Variants in KIAA1217 observed in about 807,000 individuals in gnomAD.
The protein encoded by KIAA1217 is KIAA1217.
In KIAA1217, 88 loss-of-function variants were observed where a neutral mutation model predicts 163.9. That is an observed-to-expected ratio of 0.54 (90% CI 0.45 to 0.64). The LOEUF (loss-of-function observed/expected upper bound fraction) is 0.64. KIAA1217 is among the 30% of genes least tolerant of loss of function. The pLI, the probability that KIAA1217 is intolerant of heterozygous loss-of-function variation, is 0.00. For synonymous variants in KIAA1217, 903 were observed against 923.1 expected (o/e 0.98, Z 0.39); for missense variants, 2,372 against 2,475.0 (o/e 0.96, Z 0.88).
intron 1 of KIAA1217, among the ~76,000 whole-genome samples, chr10:23,999,235 A>G (rs1846633123): frequency 6.6e-6 from 1 of 152,194 alleles, no homozygotes; most frequent in Non-Finnish European, 1.5e-5. Context: ...AGGAAGATTC[A>G]AAAGAACAGG....
chr10:23,895,810 T>C (rs1217553903), intron 1 of KIAA1217, among the ~76,000 whole-genome samples: 3 of 151,490 alleles, frequency 2.0e-5, no homozygotes, highest in African/African-American at 4.8e-5. Context: ...TACTATGCAG[T>C]CATAAAAAAT....
At chr10:24,224,084 A>T (rs890513847) in intron 2 of KIAA1217, among the ~76,000 whole-genome samples, 31 of 152,314 alleles carry the variant, frequency 2.0e-4, no homozygotes, top group African/African-American at 6.7e-4. Context: ...AGGTCACCTT[A>T]ACTCCCTTCT....
chr10:24,376,567 A>G (rs2052518661), intron 2 of KIAA1217, among the ~76,000 whole-genome samples: 1 of 152,196 alleles, frequency 6.6e-6, no homozygotes, highest in Non-Finnish European at 1.5e-5. Context: ...GTTTGAGACC[A>G]GCCTGGGCAA....
At chr10:23,756,483 G>A (rs749290702) in intron 1 of KIAA1217, among the ~76,000 whole-genome samples, 3 of 152,080 alleles carry the variant, frequency 2.0e-5, no homozygotes, top group Non-Finnish European at 4.4e-5. Flanking sequence ...TCCAATTCAT[G>A]TAATATTGCA....
At chr10:23,851,947 C>T (rs1435854493) in intron 1 of KIAA1217, among the ~76,000 whole-genome samples, 1 of 151,914 alleles carries the variant, frequency 6.6e-6, no homozygotes, top group Non-Finnish European at 1.5e-5. Context: ...TGAAAATTTT[C>T]TCCCATTTTG....
intron 2 of KIAA1217, among the ~76,000 whole-genome samples, chr10:24,202,605 C>T (rs764168562): frequency 6.6e-6 from 1 of 152,184 alleles, no homozygotes; most frequent in African/African-American, 2.4e-5. Context: ...CCCAAGCTCC[C>T]CTCACAGGCG....
chr10:23,837,502 TG>T (rs1223729617), intron 1 of KIAA1217, among the ~76,000 whole-genome samples: 3 of 152,302 alleles, frequency 2.0e-5, no homozygotes, highest in African/African-American at 7.2e-5. Flanking sequence ...GTTTCACTAT[TG>T]AAATGACACA....
chr10:24,071,781 T>A (rs1290843729), intron 2 of KIAA1217, among the ~76,000 whole-genome samples: 1 of 152,078 alleles, frequency 6.6e-6, no homozygotes, highest in Non-Finnish European at 1.5e-5. Context: ...TTATTGCCCA[T>A]CATTAGAAAG....
chr10:24,437,759 C>T (rs1048362401), intron 4 of KIAA1217, among the ~76,000 whole-genome samples: 2 of 150,606 alleles, frequency 1.3e-5, no homozygotes, highest in African/African-American at 2.4e-5. Flanking sequence ...TCCAGCAATT[C>T]GATTTGTATA....
intron 16 of KIAA1217, among the ~76,000 whole-genome samples, chr10:24,535,049 A>G (rs1033849344): frequency 1.3e-5 from 2 of 152,184 alleles, no homozygotes; most frequent in African/African-American, 4.8e-5. Flanking sequence ...TTCTCAAGGC[A>G]GGACAAGGAG....
At chr10:24,318,633 A>T (rs1420060192) in intron 2 of KIAA1217, among the ~76,000 whole-genome samples, 1 of 151,866 alleles carries the variant, frequency 6.6e-6, no homozygotes, top group Non-Finnish European at 1.5e-5. Context: ...TCCGCCTTCT[A>T]CAATTACCAG....
At chr10:23,998,798 G>A (rs1383540397) in intron 1 of KIAA1217, among the ~76,000 whole-genome samples, 2 of 152,318 alleles carry the variant, frequency 1.3e-5, no homozygotes, top group South Asian at 2.1e-4. Flanking sequence ...CTTTGATTCT[G>A]TGAGCAAAAA....
chr10:24,126,885 T>G (rs892172147), intron 2 of KIAA1217, among the ~76,000 whole-genome samples: 3 of 152,134 alleles, frequency 2.0e-5, no homozygotes, highest in African/African-American at 7.2e-5. Flanking sequence ...TAAGTCCCCT[T>G]AATGCAGATC....
intron 1 of KIAA1217, among the ~76,000 whole-genome samples, chr10:23,940,187 C>CA (rs1843697471): frequency 1.3e-5 from 2 of 151,764 alleles, no homozygotes; most frequent in African/African-American, 4.8e-5. Context: ...TGGCTGAGTG[C>CA]AGTGGCTCAC....
chr10:24,017,091 T>C (rs1002812998), intron 2 of KIAA1217, among the ~76,000 whole-genome samples: 2 of 150,014 alleles, frequency 1.3e-5, no homozygotes, highest in African/African-American at 4.9e-5. Context: ...TCTCACTCTA[T>C]CACCCAGGCT....
At chr10:24,297,024 C>G (rs750385394) in intron 2 of KIAA1217, among the ~76,000 whole-genome samples, 11 of 152,138 alleles carry the variant, frequency 7.2e-5, no homozygotes, top group Non-Finnish European at 1.5e-4. Flanking sequence ...CTGTAATACA[C>G]TGGGATTTTC....
intron 2 of KIAA1217, among the ~76,000 whole-genome samples, chr10:24,250,215 A>G (rs1469628050): frequency 3.3e-5 from 5 of 152,282 alleles, no homozygotes; most frequent in East Asian, 1.9e-4. Context: ...AGCCGCATAC[A>G]TAGATCAAAT....
intron 11 of KIAA1217, 58 bp from the exon 12 acceptor site, chr10:24,521,724 T>G: frequency 6.4e-6 from 10 of 1,573,130 alleles, no homozygotes; most frequent in Non-Finnish European, 8.6e-6. Flanking sequence ...GAGTGCGGGA[T>G]GAGGGTTGTC....
At chr10:24,484,787 C>G in intron 6 of KIAA1217, among the ~76,000 whole-genome samples, 1 of 152,262 alleles carries the variant, frequency 6.6e-6, no homozygotes, top group Admixed American at 6.5e-5. Context: ...GTGTACTGGA[C>G]AGTTTTCTAT....
Sources: gnomAD v4.1 joint callset for allele counts (sites outside exome capture counted in the v4.1 genomes callset) on GRCh38, gnomAD v4.1.1 for gene constraint, MANE v1.5 for transcripts, NCBI Gene and HGNC (gene_info 2026-07-23, HGNC 2026-07-21) for gene names.